The following ESRRB variants were observed in gnomAD, a reference collection of about 807,000 sequenced individuals.
ESRRB encodes the protein steroid hormone receptor ERR2.
In ESRRB, 16 loss-of-function variants were observed where a neutral mutation model predicts 46.0. The ratio of observed to expected loss-of-function variants is 0.35; its 90% CI spans 0.24 to 0.53. The LOEUF is 0.53. Among genes scored for constraint, ESRRB ranks in the 20% least tolerant of loss-of-function variants. ESRRB has a pLI of 0.93. For missense variants in ESRRB, 488 were observed against 607.4 expected, an observed-to-expected ratio of 0.80 and a Z score of 2.07; for synonymous variants, 246 against 259.6, an observed-to-expected ratio of 0.95 and a Z score of 0.50.
At chr14:76,324,478 T>C (rs58477653) in intron 1 of ESRRB, among the ~76,000 whole-genome samples, 33,017 of 152,034 alleles carry the variant, frequency 0.22, 4,148 homozygotes, top group East Asian at 0.38. Flanking sequence ...CGATGGGAGC[T>C]GGTGCCCTAG....
chr14:76,416,763 C>T (rs112705807), intron 1 of ESRRB, among the ~76,000 whole-genome samples: 3,148 of 152,278 alleles, frequency 0.021, 105 homozygotes, highest in African/African-American at 0.072. Flanking sequence ...GCCACTATTC[C>T]TGGCCCATCT....
At chr14:76,329,404 C>G (rs989242032) in intron 1 of ESRRB, among the ~76,000 whole-genome samples, 2 of 152,140 alleles carry the variant, frequency 1.3e-5, no homozygotes, top group Non-Finnish European at 2.9e-5. Context: ...TCCGTGAATC[C>G]CAATGCCGGC....
chr14:76,409,457 G>A (rs528625220), intron 1 of ESRRB, among the ~76,000 whole-genome samples: 5 of 152,260 alleles, frequency 3.3e-5, no homozygotes, highest in South Asian at 2.1e-4. Flanking sequence ...GAAGGATGCC[G>A]TGGCGACGGT....
chr14:76,417,652 A>T (rs1886763517), intron 1 of ESRRB, among the ~76,000 whole-genome samples: 1 of 152,180 alleles, frequency 6.6e-6, no homozygotes, highest in Non-Finnish European at 1.5e-5. Flanking sequence ...GTAGCAGCGA[A>T]ATAACTGGTT....
chr14:76,485,825 A>C (rs1244497193), intron 5 of ESRRB, among the ~76,000 whole-genome samples: 1 of 152,214 alleles, frequency 6.6e-6, no homozygotes. Flanking sequence ...AATTTAGGCC[A>C]GTGTCCTTAA....
chr14:76,445,466 C>CAAAA (rs747627410), intron 2 of ESRRB, among the ~76,000 whole-genome samples: 42 of 79,234 alleles, frequency 5.3e-4, no homozygotes, highest in Non-Finnish European at 7.1e-4. Context: ...AACTCCGTCT[C>CAAAA]AAAAAAAAAA....
chr14:76,444,431 G>A (rs1308110618), intron 2 of ESRRB, among the ~76,000 whole-genome samples: 2 of 152,190 alleles, frequency 1.3e-5, no homozygotes, highest in Non-Finnish European at 1.5e-5. Context: ...CAACCACAGA[G>A]ACAAACTCAG....
At chr14:76,478,888 G>A (rs1889689905) in intron 3 of ESRRB, among the ~76,000 whole-genome samples, 1 of 152,148 alleles carries the variant, frequency 6.6e-6, no homozygotes. Flanking sequence ...GAAGGGGCTT[G>A]CAGGGGGTGA....
chr14:76,471,916 G>A (rs949222181), intron 3 of ESRRB, among the ~76,000 whole-genome samples: 4 of 152,218 alleles, frequency 2.6e-5, no homozygotes, highest in Non-Finnish European at 5.9e-5. Flanking sequence ...GCAGGTAAGA[G>A]TGCCATGATT....
chr14:76,391,239 T>C (rs1032745546), intron 1 of ESRRB, among the ~76,000 whole-genome samples: 5 of 152,298 alleles, frequency 3.3e-5, no homozygotes, highest in African/African-American at 1.2e-4. Flanking sequence ...TTTGGGCTTT[T>C]CTAGACTCCT....
intron 1 of ESRRB, among the ~76,000 whole-genome samples, chr14:76,404,664 C>T (rs1048888169): frequency 1.3e-5 from 2 of 152,132 alleles, no homozygotes; most frequent in South Asian, 2.1e-4. Flanking sequence ...TGCTTAGAAT[C>T]GTCTCTGGCA....
rs1377059468 is a variant in ESRRB, at chr14:76,333,456, A to ATATATAAATATATAT, written c.2+22553_2+22554insATTATATAAATATAT. On this transcript the variant is annotated intron_variant, in intron 1 of 6. Transcript: ENST00000512784. ...TTTATATATGATATATAAGTATATC[A>ATATATAAATATATAT]TATATAAATATATCATATATAAATA... Among the ~76,000 whole-genome samples the ATATATAAATATATAT allele has an allele frequency of 2.4e-4, 31 of 130,070 alleles. 3 individuals carry two copies. Among genetic ancestry groups the ATATATAAATATATAT allele is most frequent in the Non-Finnish European group, 4.4e-4 (28 of 63,704 alleles). The allele number at this position is 130,070 out of a possible 152,430, so 85.3% of individuals were successfully genotyped here.
chr14:76,374,312 A>C (rs1884693618), upstream of ESRRB, among the ~76,000 whole-genome samples: 1 of 152,222 alleles, frequency 6.6e-6, no homozygotes, highest in Non-Finnish European at 1.5e-5. Flanking sequence ...AGACAATTGC[A>C]AACTGTGATA....
intron 3 of ESRRB, 96 bp downstream of exon 3, chr14:76,462,757 C>A: frequency 4.2e-6 from 4 of 960,436 alleles, no homozygotes; most frequent in Non-Finnish European, 6.7e-6. Context: ...GGACCTGTGT[C>A]CCAGGGTGAG....
Position 76,499,895 on chromosome 14 carries a change from G to A in ESRRB, c.*1437G>A. 1.9e-6 allele frequency: 3 copies of A among 1,614,188 alleles called. No homozygotes were observed. Among genetic ancestry groups the A allele is most frequent in the Non-Finnish European group, 2.5e-6 (3 of 1,180,030 alleles). On this transcript the variant is annotated 3_prime_UTR_variant, in exon 7 of 7. Transcript: ENST00000644823. ...AAGAGCAGCTTAGAGGATCTCCCAA[G>A]GATGAAAGAATGTCAAGCCATGATG...
At chr14:76,407,422 C>A in intron 1 of ESRRB, 1 of 450,718 alleles carries the variant, frequency 2.2e-6, no homozygotes, top group Non-Finnish European at 2.9e-6. Context: ...GTTTGAGGGC[C>A]GAAGAGCCTG....
chr14:76,498,312 C>A lies in ESRRB; in HGVS notation c.1219C>A (p.Pro407Thr), dbSNP rs61742642. 1 of 1,613,244 alleles carries A rather than the reference C, an allele frequency of 6.2e-7. No individual in the cohort carries two copies. The highest frequency in any genetic ancestry group is 1.7e-5 in the Admixed American group (1 of 59,906). The change falls in exon 7 of 7, where the codon CCC becomes ACC. Residue 407 changes from proline to threonine, a missense_variant. Coordinates refer to ENST00000644823, the MANE Select transcript of ESRRB (RefSeq NM_001379180.1). ...CGAGCTGAGCCAGCGCCATGAGGAG[C>A]CCTGGAGGACGGGCAAGCTGCTGCT... Reference protein sequence around the residue: ...DYELSQRHEEPWRTGKLLLTL... With the variant: ...DYELSQRHEETWRTGKLLLTL...
intron 5 of ESRRB, among the ~76,000 whole-genome samples, chr14:76,483,942 C>A (rs1243619447): frequency 1.3e-5 from 2 of 152,160 alleles, no homozygotes; most frequent in Non-Finnish European, 2.9e-5. Flanking sequence ...CAACCTTCGC[C>A]CCCCAGGTTC....
chr14:76,411,993 T>G (rs897746570), intron 1 of ESRRB, among the ~76,000 whole-genome samples: 1 of 152,226 alleles, frequency 6.6e-6, no homozygotes, highest in African/African-American at 2.4e-5. Context: ...ATTTCCCATT[T>G]TATTCCCGTC....
Sources: gnomAD v4.1 joint callset for allele counts (sites outside exome capture counted in the v4.1 genomes callset) on GRCh38, gnomAD v4.1.1 for gene constraint, MANE v1.5 for transcripts, NCBI Gene and HGNC (gene_info 2026-07-23, HGNC 2026-07-21) for gene names.